The following ABCC9 variants were observed in gnomAD, a reference collection of about 807,000 sequenced individuals.
ABCC9 encodes ATP binding cassette subfamily C member 9, also known as ATP-binding cassette sub-family C member 9.
Under a neutral mutation model 188.3 loss-of-function variants are expected in ABCC9, and 95 were observed. The observed-to-expected ratio is 0.50, with a 90% CI of 0.43 to 0.60. The LOEUF is 0.60. Ranked by LOEUF, ABCC9 falls within the 20% of genes least tolerant of loss-of-function variation. The pLI, the probability that ABCC9 is intolerant of heterozygous loss-of-function variation, is 0.00. For synonymous variants in ABCC9, 659 were observed against 652.7 expected (o/e 1.01, Z -0.15); for missense variants, 1,102 against 1,876.3 (o/e 0.59, Z 7.62).
At chr12:21,887,404 C>A (rs1225219025) in intron 15 of ABCC9, among the ~76,000 whole-genome samples, 1 of 151,800 alleles carries the variant, frequency 6.6e-6, no homozygotes, top group African/African-American at 2.4e-5. Flanking sequence ...TGTAATTCAA[C>A]TGGAAAATAA....
At chr12:21,837,971 C>CA (rs1944188867) in intron 30 of ABCC9, 107 bp downstream of exon 30, 1 of 955,854 alleles carries the variant, frequency 1.0e-6, no homozygotes, top group African/African-American at 1.6e-5. Context: ...ATCAGGCACA[C>CA]AATGGGGAGA....
chr12:21,832,245 A>T (rs950311958), intron 30 of ABCC9, among the ~76,000 whole-genome samples: 4 of 152,214 alleles, frequency 2.6e-5, no homozygotes, highest in African/African-American at 9.6e-5. Context: ...AAACTACTTG[A>T]GGGAGTTCAT....
At chr12:21,923,998 T>C (rs1948946492) in intron 5 of ABCC9, 2 of 536,174 alleles carry the variant, frequency 3.7e-6, no homozygotes, top group East Asian at 6.0e-5. Context: ...AAAAGAAGCC[T>C]TACTTAAAAG....
chr12:21,845,883 T>A, intron 25 of ABCC9, 51 bp from the exon 26 acceptor site: 1 of 1,250,646 alleles, frequency 8.0e-7, no homozygotes, highest in Non-Finnish European at 1.2e-6. Context: ...CGGCTAGATA[T>A]AATTTTTATT....
At chr12:21,929,460 G>T (rs1240904791) in intron 4 of ABCC9, among the ~76,000 whole-genome samples, 1 of 151,782 alleles carries the variant, frequency 6.6e-6, no homozygotes, top group East Asian at 1.9e-4. Flanking sequence ...AGCTTTAAAT[G>T]CTTCTATTAC....
chr12:21,868,832 A>G (rs1040151172), intron 18 of ABCC9, among the ~76,000 whole-genome samples: 2 of 152,204 alleles, frequency 1.3e-5, no homozygotes, highest in African/African-American at 4.8e-5. Flanking sequence ...ATGAATATCA[A>G]TAATTTCTAA....
At chr12:21,801,869 T>C (rs907353921) in intron 39 of ABCC9, among the ~76,000 whole-genome samples, 19 of 152,234 alleles carry the variant, frequency 1.2e-4, no homozygotes, top group African/African-American at 4.6e-4. Context: ...GTGGGTGTTA[T>C]GTCTCTCCAC....
intron 16 of ABCC9, among the ~76,000 whole-genome samples, 183 bp from the exon 17 acceptor site, chr12:21,875,909 C>A (rs1946317689): frequency 6.6e-6 from 1 of 151,998 alleles, no homozygotes; most frequent in African/African-American, 2.4e-5. Context: ...ACGGTGAAAC[C>A]CCATCTCTAC....
chr12:21,848,994 G>A (rs1286931376), intron 24 of ABCC9, among the ~76,000 whole-genome samples: 2 of 152,108 alleles, frequency 1.3e-5, no homozygotes, highest in Non-Finnish European at 2.9e-5. Flanking sequence ...CAGCTCCCCT[G>A]ACCTCAGGAC....
chr12:21,834,786 T>TATACAC (rs113973392), intron 30 of ABCC9, among the ~76,000 whole-genome samples: 12,758 of 141,474 alleles, frequency 0.09, 779 homozygotes, highest in East Asian at 0.16. Flanking sequence ...TATAACATTA[T>TATACAC]ACACACACAC....
intron 16 of ABCC9, among the ~76,000 whole-genome samples, chr12:21,879,446 C>T (rs185877244): frequency 3.3e-5 from 5 of 152,120 alleles, no homozygotes; most frequent in East Asian, 1.9e-4. Context: ...TGGGGCAAGG[C>T]GAGTGGGAAA....
chr12:21,866,165 A>G (rs1035571474), intron 18 of ABCC9, among the ~76,000 whole-genome samples: 2 of 152,214 alleles, frequency 1.3e-5, no homozygotes, highest in African/African-American at 4.8e-5. Flanking sequence ...CATGGCTGAA[A>G]TGTAGGTGTA....
At chr12:21,868,437 A>G (rs1945893433) in intron 18 of ABCC9, among the ~76,000 whole-genome samples, 1 of 152,168 alleles carries the variant, frequency 6.6e-6, no homozygotes, top group African/African-American at 2.4e-5. Context: ...CAGGAGATCG[A>G]GACCATCCTG....
At chr12:21,935,078 A>G (rs573232485) in intron 3 of ABCC9, among the ~76,000 whole-genome samples, 1 of 152,156 alleles carries the variant, frequency 6.6e-6, no homozygotes, top group East Asian at 1.9e-4. Flanking sequence ...ATTTCCCTTT[A>G]ACAATGTCCC....
intron 2 of ABCC9, among the ~76,000 whole-genome samples, chr12:21,939,093 G>T (rs540104535): frequency 6.6e-6 from 1 of 152,268 alleles, no homozygotes; most frequent in African/African-American, 2.4e-5. Context: ...AGGGGTATAT[G>T]ATCTAAAAGA....
At chr12:21,870,457 T>C (rs945201488) in intron 18 of ABCC9, among the ~76,000 whole-genome samples, 10 of 152,112 alleles carry the variant, frequency 6.6e-5, no homozygotes, top group African/African-American at 2.4e-4. Context: ...AGGGTCTCAC[T>C]ATGTTGCCCA....
At chr12:21,806,950 G>A (rs926618835) in intron 38 of ABCC9, among the ~76,000 whole-genome samples, 2 of 152,050 alleles carry the variant, frequency 1.3e-5, no homozygotes, top group African/African-American at 2.4e-5. Context: ...TCTTCAAATT[G>A]CTTTGGGAAA....
chr12:21,860,153 C>A (rs1251348471), intron 21 of ABCC9, among the ~76,000 whole-genome samples: 1 of 152,088 alleles, frequency 6.6e-6, no homozygotes, highest in Non-Finnish European at 1.5e-5. Context: ...AATGGCTTTA[C>A]ATTTTTAAAT....
Position 21,895,050 on chromosome 12 carries a change from C to T in ABCC9, c.1659+225G>A, listed in dbSNP as rs1016599339. 4.6e-5 allele frequency among the ~76,000 whole-genome samples: 7 copies of T among 152,300 alleles called. 1 individual carries two copies. The highest frequency in any genetic ancestry group is 4.1e-4 in the South Asian group (2 of 4,822). Reference sequence around the variant, plus strand: ...GCTAGAAGCCAGGGATGCTGCCAAACGTCCTAACACAGAGGGCAGCCCCTA... The same window carrying T: ...GCTAGAAGCCAGGGATGCTGCCAAATGTCCTAACACAGAGGGCAGCCCCTA... On this transcript the variant is annotated intron_variant, in intron 13 of 39. Transcript: ENST00000261200.
Sources: allele counts gnomAD v4.1 joint callset (sites outside exome capture counted in the v4.1 genomes callset), GRCh38; gene constraint gnomAD v4.1.1; transcripts MANE v1.5; gene names NCBI Gene and HGNC (gene_info 2026-07-23, HGNC 2026-07-21).